TMEM196: variants seen among roughly 807,000 people sequenced by gnomAD.
TMEM196 encodes the protein transmembrane protein 196.
In TMEM196, 17 loss-of-function variants were observed where a neutral mutation model predicts 20.0. The observed-to-expected ratio is 0.85, with a 90% CI of 0.58 to 1.27. TMEM196 has a LOEUF of 1.27. Ranked by LOEUF, TMEM196 falls within the 50% of genes most tolerant of loss-of-function variation. The pLI, the probability that TMEM196 is intolerant of heterozygous loss-of-function variation, is 0.00. For synonymous variants in TMEM196, 113 were observed against 88.9 expected (o/e 1.27, Z -1.52); for missense variants, 267 against 223.0 (o/e 1.20, Z -1.26).
At chr7:19,727,809 T>A (rs1418345919) in intron 2 of TMEM196, among the ~76,000 whole-genome samples, 2 of 152,216 alleles carry the variant, frequency 1.3e-5, no homozygotes, top group Non-Finnish European at 2.9e-5. Flanking sequence ...CATTAACATG[T>A]GTTAACAAAA....
intron 1 of TMEM196, among the ~76,000 whole-genome samples, chr7:19,740,773 A>G (rs1181516930): frequency 6.6e-6 from 1 of 152,128 alleles, no homozygotes. Context: ...GTGGAATTGA[A>G]ATGAATTCAG....
At chr7:19,755,264 A>G (rs865841737) in intron 1 of TMEM196, among the ~76,000 whole-genome samples, 80 of 152,226 alleles carry the variant, frequency 5.3e-4, no homozygotes, top group African/African-American at 1.9e-3. Flanking sequence ...TATTAATTAT[A>G]TATCTGTCAT....
At chr7:19,738,723 G>C (rs552124513) in intron 1 of TMEM196, among the ~76,000 whole-genome samples, 1 of 151,874 alleles carries the variant, frequency 6.6e-6, no homozygotes, top group African/African-American at 2.4e-5. Flanking sequence ...AAACAGCATG[G>C]GATTATGACC....
At chr7:19,767,443 T>C (rs1055376764) in intron 1 of TMEM196, among the ~76,000 whole-genome samples, 1 of 152,082 alleles carries the variant, frequency 6.6e-6, no homozygotes, top group Non-Finnish European at 1.5e-5. Context: ...ACCTGGGCTC[T>C]ACAGAATCCA....
In TMEM196 at chr7:19,725,627, C is replaced by T. The variant is rs1243100081; in HGVS notation, c.346G>A (p.Gly116Arg). ...AGCCAGGAAGAGAGAGTGCAGCCCCCGATCCCAATGCACGCGAGAGACATG... is the reference window on the plus strand; with the variant it reads ...AGCCAGGAAGAGAGAGTGCAGCCCCTGATCCCAATGCACGCGAGAGACATG... ...ASMSLACIGI[G>R]GCTLSSWLTC... is the part of the protein sequence containing the mutation. The change falls in exon 3 of 5, where the codon GGG becomes AGG. Residue 116 changes from glycine to arginine, a missense_variant. Physicochemically the swap from Gly to Arg is moderately radical, Grantham distance 125. Coordinates refer to ENST00000405844, the MANE Select transcript of TMEM196 (RefSeq NM_001363562.2). 4.3e-6 allele frequency: 7 copies of T among 1,614,078 alleles called. No homozygotes were observed. Among genetic ancestry groups the T allele is most frequent in the Non-Finnish European group, 4.2e-6 (5 of 1,179,998 alleles).
At chr7:19,764,250 G>A (rs987098505) in intron 1 of TMEM196, among the ~76,000 whole-genome samples, 1 of 152,204 alleles carries the variant, frequency 6.6e-6, no homozygotes, top group Non-Finnish European at 1.5e-5. Context: ...AAATTGAGCA[G>A]CATTGCCTGG....
chr7:19,740,315 G>C (rs1017812125), intron 1 of TMEM196, among the ~76,000 whole-genome samples: 5 of 152,118 alleles, frequency 3.3e-5, no homozygotes, highest in African/African-American at 1.2e-4. Context: ...CTATATACAA[G>C]TTTGCTCATA....
At chr7:19,758,371 C>T (rs189707826) in intron 1 of TMEM196, among the ~76,000 whole-genome samples, 293 of 152,278 alleles carry the variant, frequency 1.9e-3, no homozygotes, top group African/African-American at 6.7e-3. Context: ...AATTATATTT[C>T]CATTATGGCT....
intron 1 of TMEM196, among the ~76,000 whole-genome samples, chr7:19,740,105 G>A (rs186161123): frequency 6.6e-6 from 1 of 152,184 alleles, no homozygotes; most frequent in East Asian, 1.9e-4. Flanking sequence ...CACAAGAAGA[G>A]CAGTCCCAAA....
At chr7:19,730,287 G>A (rs1043644076) in intron 1 of TMEM196, among the ~76,000 whole-genome samples, 1 of 151,458 alleles carries the variant, frequency 6.6e-6, no homozygotes. Context: ...GAACACAAAG[G>A]GATAAAGCAA....
intron 1 of TMEM196, among the ~76,000 whole-genome samples, chr7:19,752,817 G>A (rs904172833): frequency 6.6e-6 from 1 of 152,028 alleles, no homozygotes; most frequent in African/African-American, 2.4e-5. Context: ...GTTTCACCAT[G>A]TTGGTCAGGC....
chr7:19,772,714 C>A lies in TMEM196; in HGVS notation c.-18G>T. On this transcript the variant is annotated 5_prime_UTR_variant, in exon 1 of 5. Transcript: ENST00000405844. ...GTGCACATCCTTCCTCGGTCATCTTCCTTCCAGATCAGAGAGGGAAATCAA... is the reference window on the plus strand; with the variant it reads ...GTGCACATCCTTCCTCGGTCATCTTACTTCCAGATCAGAGAGGGAAATCAA... The A allele has an allele frequency of 6.7e-7, 1 of 1,482,608 alleles. No homozygotes were observed. Among genetic ancestry groups the A allele is most frequent in the South Asian group, 1.3e-5 (1 of 77,340 alleles). 91.8% of individuals were successfully genotyped at this position (1,482,608 alleles called of 1,614,324 possible).
In TMEM196 at chr7:19,720,541, A is replaced by G. The variant is rs1274456873; in HGVS notation, c.*1587T>C. ...TTGAGGAAAAAGAAAAGTATACAAT[A>G]TAGTGAGAGTTATGTATTTAAAAAT... On this transcript the variant is annotated 3_prime_UTR_variant, in exon 5 of 5. Transcript: ENST00000405844. 1 of 152,010 alleles carries G rather than the reference A, an allele frequency of 6.6e-6. No individual in the cohort carries two copies. The highest frequency in any genetic ancestry group is 1.5e-5 in the Non-Finnish European group (1 of 67,870). 9.4% of individuals were successfully genotyped at this position (152,010 alleles called of 1,614,324 possible). A position where few individuals can be genotyped will look rare whatever the true frequency, so the allele number is the denominator to read the frequency against.
chr7:19,769,683 C>G (rs1293934852), intron 1 of TMEM196, among the ~76,000 whole-genome samples: 7 of 151,542 alleles, frequency 4.6e-5, no homozygotes, highest in African/African-American at 1.5e-4. Context: ...AAACCAACCT[C>G]TGATTGAAAA....
chr7:19,724,289 A>C lies in TMEM196; in HGVS notation c.524T>G (p.Leu175Ter). 1 of 1,550,356 alleles carries C rather than the reference A, an allele frequency of 6.5e-7. No homozygotes were observed. Among genetic ancestry groups the C allele is most frequent in the South Asian group, 1.2e-5 (1 of 84,056 alleles). The change falls in exon 4 of 5, where the codon TTA becomes TGA. Residue 175 changes from leucine (L) to a stop codon, truncating the protein, a stop_gained. Coordinates refer to ENST00000405844, the MANE Select transcript of TMEM196 (RefSeq NM_001363562.2). LOFTEE classifies it high-confidence loss of function. ...SCPVVPPTPE[L>*]PTRK is the part of the protein sequence containing the mutation. ...CTAGAAATCAGCGTACCTTGTAGGT[A>C]ACTCTGGTGTCGGGGGCACCACCGG...
rs1783743862 is a variant in TMEM196, at chr7:19,719,397, G to GTATATACACATATGTGTATGTATATGCA, written c.*2703_*2730dup. 6.6e-6 allele frequency: 1 copy of GTATATACACATATGTGTATGTATATGCA among 151,894 alleles called. No individual in the cohort carries two copies. The highest frequency in any genetic ancestry group is 1.5e-5 in the Non-Finnish European group (1 of 67,950). 9.4% of individuals were successfully genotyped at this position (151,894 alleles called of 1,614,324 possible). A position where few individuals can be genotyped will look rare whatever the true frequency, so the allele number is the denominator to read the frequency against. On this transcript the variant is annotated 3_prime_UTR_variant, in exon 5 of 5. Transcript: ENST00000405844. ...TCCACTTCCAAACCATTGTGTGTGT[G>GTATATACACATATGTGTATGTATATGCA]TATATACACATATGTGTATGTATAT...
intron 1 of TMEM196, among the ~76,000 whole-genome samples, chr7:19,746,886 T>C (rs892663072): frequency 6.6e-6 from 1 of 152,248 alleles, no homozygotes; most frequent in Non-Finnish European, 1.5e-5. Flanking sequence ...TACTGCCTGA[T>C]CTAGATTTAG....
chr7:19,772,522 C>A, intron 1 of TMEM196, 28 bp downstream of exon 1: 2 of 1,516,140 alleles, frequency 1.3e-6, no homozygotes, highest in Non-Finnish European at 8.9e-7. Context: ...AGTGAAATGG[C>A]TCAACGTACA....
chr7:19,740,109 T>A (rs944870306), intron 1 of TMEM196, among the ~76,000 whole-genome samples: 1 of 152,142 alleles, frequency 6.6e-6, no homozygotes, highest in Admixed American at 6.6e-5. Context: ...AGAAGAGCAG[T>A]CCCAAATGTC....
Sources: gnomAD v4.1 joint callset for allele counts (sites outside exome capture counted in the v4.1 genomes callset) on GRCh38, gnomAD v4.1.1 for gene constraint, MANE v1.5 for transcripts, NCBI Gene and HGNC (gene_info 2026-07-23, HGNC 2026-07-21) for gene names.